The following GLB1L3 variants were observed in gnomAD, a reference collection of about 807,000 sequenced individuals.
GLB1L3 encodes the protein galactosidase beta 1 like 3.
In GLB1L3, 89 loss-of-function variants were observed where a neutral mutation model predicts 89.5. That is an observed-to-expected ratio of 0.99 (90% CI 0.84 to 1.19). GLB1L3 has a LOEUF of 1.19. Ranked by LOEUF, GLB1L3 falls within the 50% of genes most tolerant of loss-of-function variation. GLB1L3 has a pLI of 0.00. For missense variants in GLB1L3, 812 were observed against 813.3 expected, an observed-to-expected ratio of 1.00 and a Z score of 0.02; for synonymous variants, 314 against 312.3, an observed-to-expected ratio of 1.01 and a Z score of -0.06.
intron 9 of GLB1L3, among the ~76,000 whole-genome samples, chr11:134,305,484 G>A (rs926892779): frequency 2.0e-5 from 3 of 152,142 alleles, no homozygotes; most frequent in South Asian, 2.1e-4. Context: ...GCTTCACAGA[G>A]GATGTTGTTT....
In GLB1L3 at chr11:134,292,957, T is replaced by C. The variant is rs1423300652; in HGVS notation, c.812-188T>C. Reference sequence around the variant, plus strand: ...TTTCAACAGTGGGTGTCCTCGCAAGTGTCAGGGATGTGGCGATGGCCGTGG... The same window carrying C: ...TTTCAACAGTGGGTGTCCTCGCAAGCGTCAGGGATGTGGCGATGGCCGTGG... On this transcript the variant is annotated intron_variant, in intron 8 of 19. Coordinates refer to ENST00000431683, the MANE Select transcript of GLB1L3 (RefSeq NM_001080407.3). 4.7e-6 allele frequency: 3 copies of C among 636,862 alleles called. No individual in the cohort carries two copies. The South Asian group carries it at 5.5e-5, about 12-fold the overall frequency. The allele number at this position is 636,862 out of a possible 1,614,324, so 39.5% of individuals were successfully genotyped here.
chr11:134,293,164 G>GA lies in GLB1L3; in HGVS notation c.831_832insA (p.Gln278ThrfsTer13). On this transcript the variant is annotated frameshift_variant, in exon 9 of 20. Transcript: ENST00000431683. LOFTEE classifies it high-confidence loss of function. ...ATGCAGTGTTGGCCGCCATCAATTT[G>GA]CAAAAACTTCACCAGGATACTTTCA... 1.2e-6 allele frequency: 2 copies of GA among 1,613,804 alleles called. No individual in the cohort carries two copies. The highest frequency in any genetic ancestry group is 1.7e-6 in the Non-Finnish European group (2 of 1,179,780).
At chr11:134,288,738 G>A in intron 6 of GLB1L3, 60 bp from the exon 7 acceptor site, 3 of 1,260,048 alleles carry the variant, frequency 2.4e-6, no homozygotes, top group African/African-American at 1.5e-5. Flanking sequence ...CAAGCTCAGA[G>A]ACTCCAGGCT....
intron 18 of GLB1L3, among the ~76,000 whole-genome samples, chr11:134,316,077 C>T (rs970171617): frequency 6.6e-6 from 1 of 152,066 alleles, no homozygotes; most frequent in Non-Finnish European, 1.5e-5. Flanking sequence ...TCTCCAGTTC[C>T]AGCACATTTT....
At chr11:134,323,497 C>T (rs1459403498), downstream of GLB1L3, among the ~76,000 whole-genome samples, 13 of 152,038 alleles carry the variant, frequency 8.6e-5, no homozygotes, top group Non-Finnish European at 4.4e-5. Context: ...ATCGCTTGAA[C>T]CCGGGAGGCG....
At chr11:134,300,943 A>C (rs1393576845) in intron 9 of GLB1L3, among the ~76,000 whole-genome samples, 1 of 152,182 alleles carries the variant, frequency 6.6e-6, no homozygotes, top group African/African-American at 2.4e-5. Context: ...TCAGCCTGCA[A>C]CAGAGACTTG....
intron 1 of GLB1L3, chr11:134,277,044 G>C (rs528738111): frequency 1.3e-4 from 73 of 571,084 alleles, no homozygotes; most frequent in African/African-American, 1.2e-3. Flanking sequence ...GGTGCTGGAA[G>C]TGCGCCCGCC....
At chr11:134,298,565 A>T (rs1941776315) in intron 9 of GLB1L3, among the ~76,000 whole-genome samples, 1 of 152,196 alleles carries the variant, frequency 6.6e-6, no homozygotes, top group South Asian at 2.1e-4. Context: ...GAAGTAATTG[A>T]ATCATAAGGG....
At chr11:134,307,621 CCT>C (rs1322813669) in intron 10 of GLB1L3, among the ~76,000 whole-genome samples, 1 of 152,130 alleles carries the variant, frequency 6.6e-6, no homozygotes, top group Non-Finnish European at 1.5e-5. Context: ...GTGCATAGGC[CCT>C]CTCTATGGCA....
chr11:134,279,364 C>CT (rs10577769), intron 3 of GLB1L3, among the ~76,000 whole-genome samples: 1,838 of 108,288 alleles, frequency 0.017, 21 homozygotes, highest in South Asian at 0.041. Context: ...TTTTCTTTTT[C>CT]TTTTTTTTTT....
At chr11:134,323,402 C>CGT (rs879268715), downstream of GLB1L3, among the ~76,000 whole-genome samples, 41,856 of 98,638 alleles carry the variant, frequency 0.42, 6,087 homozygotes, top group Non-Finnish European at 0.46. Context: ...CACGTACACA[C>CGT]ACACACACAC....
rs1044172750 is a variant in GLB1L3, at chr11:134,283,713, T to C, written c.528-24T>C. ...CCCTCTCCCAACCCGTCTCAGACCC[T>C]GAGCCCGCCCCTCTTGCCCCCAGCT... On this transcript the variant is annotated intron_variant, in intron 5 of 19. Coordinates refer to ENST00000431683, the MANE Select transcript of GLB1L3 (RefSeq NM_001080407.3). The C allele has an allele frequency of 9.6e-6, 14 of 1,451,442 alleles. No homozygotes were observed. In the African/African-American group the frequency reaches 9.8e-5, roughly 10 times the overall value. 89.9% of individuals were successfully genotyped at this position (1,451,442 alleles called of 1,614,324 possible).
intron 10 of GLB1L3, among the ~76,000 whole-genome samples, chr11:134,308,661 C>CCACCACCACCACCAA (rs1942559848): frequency 1.3e-5 from 2 of 148,342 alleles, no homozygotes; most frequent in African/African-American, 2.5e-5. Context: ...ATCATCACCA[C>CCACCACCACCACCAA]CACCACCACC....
chr11:134,277,984 C>T (rs140570171), intron 3 of GLB1L3, 72 bp downstream of exon 3: 18,271 of 1,487,204 alleles, frequency 0.012, 147 homozygotes, highest in Non-Finnish European at 0.015. Flanking sequence ...CCTGAGCCTC[C>T]GATTTTGGGG....
chr11:134,300,724 C>T (rs1405657628), intron 9 of GLB1L3, among the ~76,000 whole-genome samples: 3 of 152,164 alleles, frequency 2.0e-5, no homozygotes, highest in Non-Finnish European at 2.9e-5. Flanking sequence ...CTTAACGTGC[C>T]CTCGCATGGT....
Position 134,282,102 on chromosome 11 carries a change from A to C in GLB1L3, c.509A>C (p.Asp170Ala), listed in dbSNP as rs776133347. Residue 170 changes from aspartate to alanine, a missense_variant, in exon 5 of 20, where the codon GAC becomes GCC. Asp to Ala is a moderately radical substitution (Grantham distance 126). Coordinates refer to ENST00000431683, the MANE Select transcript of GLB1L3 (RefSeq NM_001080407.3). ...GGCCGCTACATCTGCAGTGAGATGGACCTCGGGGGCTTGCCCAGGTAAGCG... is the reference window on the plus strand; with the variant it reads ...GGCCGCTACATCTGCAGTGAGATGGCCCTCGGGGGCTTGCCCAGGTAAGCG... ...RPGRYICSEM[D>A]LGGLPSWLLQ... The C allele has an allele frequency of 3.2e-6, 5 of 1,567,146 alleles. No homozygotes were observed. Among genetic ancestry groups the C allele is most frequent in the Non-Finnish European group, 4.3e-6 (5 of 1,153,026 alleles).
Position 134,319,234 on chromosome 11 carries a change from G to T in GLB1L3, c.*292G>T, listed in dbSNP as rs1209346259. The T allele has an allele frequency of 3.5e-6, 1 of 286,332 alleles. No homozygotes were observed. The highest frequency in any genetic ancestry group is 6.8e-5 in the East Asian group (1 of 14,608). The allele number at this position is 286,332 out of a possible 1,614,324, so 17.7% of individuals were successfully genotyped here. A position where few individuals can be genotyped will look rare whatever the true frequency, so the allele number is the denominator to read the frequency against. ...CTCCCAAAGTACTGGGATTACAGGC[G>T]TGAGCCACCACTCCCGGCCGTGAAC... On this transcript the variant is annotated 3_prime_UTR_variant, in exon 20 of 20. Coordinates refer to ENST00000431683, the MANE Select transcript of GLB1L3 (RefSeq NM_001080407.3).
chr11:134,277,158 G>A, intron 1 of GLB1L3, 168 bp from the exon 2 acceptor site: 1 of 795,824 alleles, frequency 1.3e-6, no homozygotes, highest in Non-Finnish European at 2.1e-6. Flanking sequence ...GGACTGGCCG[G>A]GTGATGCCGC....
chr11:134,311,153 C>T lies in GLB1L3; in HGVS notation c.1270C>T (p.Leu424=), dbSNP rs777686859. 1.2e-6 allele frequency: 2 copies of T among 1,613,502 alleles called. No homozygotes were observed. The highest frequency in any genetic ancestry group is 1.1e-5 in the South Asian group (1 of 91,056). The change falls in exon 13 of 20, where the codon CTA becomes TTA. Residue 424 remains leucine (L), a synonymous_variant. Transcript: ENST00000431683. ...PSLYLPLWDA[L]SYLNEPVRSR... ...GCTGTACCTCCCGCTGTGGGACGCC[C>T]TATCCTACTTAAATGAGGTGCGTGC...
Sources: gnomAD v4.1 joint callset for allele counts (sites outside exome capture counted in the v4.1 genomes callset) on GRCh38, gnomAD v4.1.1 for gene constraint, MANE v1.5 for transcripts, NCBI Gene and HGNC (gene_info 2026-07-23, HGNC 2026-07-21) for gene names.